The following RBMS1 variants were observed in gnomAD, a reference collection of about 807,000 sequenced individuals.
The protein encoded by RBMS1 is RNA-binding motif, single-stranded-interacting protein 1.
A neutral mutation model predicts 62.3 loss-of-function variants in RBMS1; 17 were observed. The observed-to-expected ratio is 0.27, with a 90% CI of 0.19 to 0.41. The LOEUF is 0.41. Ranked by LOEUF, RBMS1 falls within the 10% of genes least tolerant of loss-of-function variation. The pLI is 1.00. For missense variants in RBMS1, 334 were observed against 504.5 expected, an observed-to-expected ratio of 0.66 and a Z score of 3.24; for synonymous variants, 172 against 170.0, an observed-to-expected ratio of 1.01 and a Z score of -0.09.
chr2:160,350,067 T>C lies in RBMS1; in HGVS notation c.251+17149A>G, dbSNP rs141741037. The stretch of plus-strand genomic sequence containing the variant: ...TTAAGAAACACCAAGGAGTCCACTA[T>C]GGCTGAAGTGAAGTGATGGAGGACA... On this transcript the variant is annotated intron_variant, in intron 2 of 13. Coordinates refer to ENST00000348849, the MANE Select transcript of RBMS1 (RefSeq NM_016836.4). 3.4e-3 allele frequency among the ~76,000 whole-genome samples: 513 copies of C among 152,078 alleles called. 2 individuals carry two copies. Among genetic ancestry groups the C allele is most frequent in the Non-Finnish European group, 5.3e-3 (362 of 67,952 alleles).
chr2:160,342,685 G>T (rs925475961), intron 2 of RBMS1, among the ~76,000 whole-genome samples: 2 of 151,628 alleles, frequency 1.3e-5, no homozygotes, highest in African/African-American at 4.9e-5. Context: ...GGAGGCCGAG[G>T]TGGGCGGATC....
chr2:160,423,453 G>C (rs1353647655), intron 1 of RBMS1, among the ~76,000 whole-genome samples: 1 of 152,066 alleles, frequency 6.6e-6, no homozygotes, highest in Non-Finnish European at 1.5e-5. Context: ...GTTCTTGAAA[G>C]ACTGTCCGTC....
intron 1 of RBMS1, among the ~76,000 whole-genome samples, chr2:160,377,984 T>A (rs886923955): frequency 2.0e-5 from 3 of 152,210 alleles, no homozygotes; most frequent in Admixed American, 6.5e-5. Flanking sequence ...AATGAGTTTT[T>A]AAAAACTGAG....
intron 2 of RBMS1, among the ~76,000 whole-genome samples, chr2:160,358,857 C>T (rs1692955305): frequency 6.6e-6 from 1 of 151,946 alleles, no homozygotes; most frequent in African/African-American, 2.4e-5. Context: ...TTTTTGTTTA[C>T]TTTTATTTTT....
chr2:160,324,880 G>GTATATATATATATATATATA (rs747823378), intron 2 of RBMS1, among the ~76,000 whole-genome samples: 4 of 76,092 alleles, frequency 5.3e-5, no homozygotes, highest in African/African-American at 7.9e-5. Context: ...GTGTGTGTGT[G>GTATATATATATATATATATA]TGTATATATA....
At chr2:160,486,551 G>A (rs1017920200) in intron 1 of RBMS1, among the ~76,000 whole-genome samples, 5 of 152,090 alleles carry the variant, frequency 3.3e-5, no homozygotes, top group African/African-American at 9.7e-5. Flanking sequence ...ACTGCATAGC[G>A]CATGTTGTTC....
intron 1 of RBMS1, among the ~76,000 whole-genome samples, chr2:160,463,702 T>C (rs1020768006): frequency 2.0e-5 from 3 of 152,142 alleles, no homozygotes. Context: ...GGAGAATCGC[T>C]TGAACCCAGG....
intron 1 of RBMS1, among the ~76,000 whole-genome samples, chr2:160,476,325 A>G (rs1685126214): frequency 6.6e-6 from 1 of 152,138 alleles, no homozygotes; most frequent in Non-Finnish European, 1.5e-5. Flanking sequence ...AAAGCTTGAG[A>G]TTGAGAATAT....
At chr2:160,341,747 A>C (rs993382215) in intron 2 of RBMS1, among the ~76,000 whole-genome samples, 2 of 152,208 alleles carry the variant, frequency 1.3e-5, no homozygotes, top group African/African-American at 2.4e-5. Context: ...TGAACTAGCA[A>C]GGTACATTAA....
chr2:160,493,374 G>A lies in RBMS1; in HGVS notation c.-11C>T, dbSNP rs904524921. On this transcript the variant is annotated 5_prime_UTR_variant, in exon 1 of 14. Transcript: ENST00000348849. ...CCACACTTTGCCCATGAAGCTGGAA[G>A]GGAGCCTGCCGTGCAGGGTCGCGGA... 1.2e-6 allele frequency: 2 copies of A among 1,612,870 alleles called. No individual in the cohort carries two copies. Among genetic ancestry groups the A allele is most frequent in the Admixed American group, 1.7e-5 (1 of 59,972 alleles).
intron 1 of RBMS1, among the ~76,000 whole-genome samples, chr2:160,430,090 A>G (rs1436582057): frequency 6.6e-6 from 1 of 152,250 alleles, no homozygotes; most frequent in Non-Finnish European, 1.5e-5. Context: ...ACTGTGAGGC[A>G]TGTCAATGAG....
chr2:160,387,311 T>TA (rs1178034498), intron 1 of RBMS1, among the ~76,000 whole-genome samples: 6 of 145,468 alleles, frequency 4.1e-5, no homozygotes, highest in Admixed American at 4.1e-4. Context: ...ATTTTAATGA[T>TA]TTTTTTTTTT....
At chr2:160,437,014 G>C (rs1031047756) in intron 1 of RBMS1, among the ~76,000 whole-genome samples, 2 of 152,190 alleles carry the variant, frequency 1.3e-5, no homozygotes, top group African/African-American at 4.8e-5. Flanking sequence ...AGCATAGCTA[G>C]AGAAGTCTAC....
At chr2:160,474,383 C>A (rs1202090126) in intron 1 of RBMS1, among the ~76,000 whole-genome samples, 3 of 152,108 alleles carry the variant, frequency 2.0e-5, no homozygotes, top group African/African-American at 7.2e-5. Flanking sequence ...TAATTTAATA[C>A]CACTTTAAAA....
In RBMS1 at chr2:160,274,640, A is replaced by G. The variant is rs1048194112; in HGVS notation, c.*132T>C. 6.6e-6 allele frequency: 1 copy of G among 152,250 alleles called. No homozygotes were observed. The highest frequency in any genetic ancestry group is 1.5e-5 in the Non-Finnish European group (1 of 67,972). 9.4% of individuals were successfully genotyped at this position (152,250 alleles called of 1,614,324 possible). Reference sequence around the variant, plus strand: ...AAAAATAGTTTTAGTTGATTTCATTATAAATAACGTTTTCAAGAACCTGTG... The same window carrying G: ...AAAAATAGTTTTAGTTGATTTCATTGTAAATAACGTTTTCAAGAACCTGTG... On this transcript the variant is annotated 3_prime_UTR_variant, in exon 14 of 14. Coordinates refer to ENST00000348849, the MANE Select transcript of RBMS1 (RefSeq NM_016836.4).
intron 1 of RBMS1, among the ~76,000 whole-genome samples, chr2:160,396,533 G>A (rs57527619): frequency 6.7e-6 from 1 of 148,172 alleles, no homozygotes; most frequent in Non-Finnish European, 1.5e-5. Flanking sequence ...CTCTCTCCCA[G>A]GGACTTTTCT....
intron 1 of RBMS1, among the ~76,000 whole-genome samples, chr2:160,475,604 T>C (rs1365729577): frequency 2.0e-5 from 3 of 152,202 alleles, no homozygotes; most frequent in African/African-American, 4.8e-5. Context: ...CCAACACATT[T>C]GTAAACATTC....
intron 1 of RBMS1, among the ~76,000 whole-genome samples, chr2:160,391,798 C>T (rs1254068081): frequency 1.3e-5 from 2 of 152,038 alleles, no homozygotes; most frequent in East Asian, 3.9e-4. Flanking sequence ...GCCAACATGG[C>T]GAAACCCTGT....
At chr2:160,439,139 G>A (rs1404499641) in intron 1 of RBMS1, among the ~76,000 whole-genome samples, 4 of 149,364 alleles carry the variant, frequency 2.7e-5, no homozygotes, top group African/African-American at 9.9e-5. Flanking sequence ...TGGCCGGGCG[G>A]GGGGCTGATC....
Sources: allele counts gnomAD v4.1 joint callset (sites outside exome capture counted in the v4.1 genomes callset), GRCh38; gene constraint gnomAD v4.1.1; transcripts MANE v1.5; gene names NCBI Gene and HGNC (gene_info 2026-07-23, HGNC 2026-07-21).